PJA1: variants seen among roughly 807,000 people sequenced by gnomAD.
PJA1 encodes the protein praja ring finger ubiquitin ligase 1, also known as E3 ubiquitin-protein ligase Praja-1.
Under a neutral mutation model 14.1 loss-of-function variants are expected in PJA1, and 5 were observed. The observed-to-expected ratio is 0.35, with a 90% CI of 0.18 to 0.74. The LOEUF (loss-of-function observed/expected upper bound fraction) is 0.74, where lower values mean the gene tolerates loss of function less well. Among genes scored for constraint, PJA1 ranks in the 30% least tolerant of loss-of-function variants. The probability of loss-of-function intolerance (pLI) is 0.56; values close to 1 mark genes in which losing one functional copy is unlikely to be tolerated. For missense variants in PJA1, 394 were observed against 482.6 expected (o/e 0.82, Z 1.72); for synonymous variants, 174 against 190.9 (o/e 0.91, Z 0.73).
chrX:69,161,601 C>T lies in PJA1; in HGVS notation c.1473G>A (p.Gln491=). ...AGTGCGCAAGGGCAGTTTCCATTGC[C>T]TGGGCCAGGCGTTCTTCAAGTGCCA... ...TYMALEERLA[Q]AMETALAHLE... The change falls in exon 2 of 2, where the codon CAG becomes CAA. Residue 491 remains glutamine (Q), a synonymous_variant. Transcript: ENST00000374571. 1 of 1,211,626 alleles carries T rather than the reference C, an allele frequency of 8.3e-7. No homozygotes were observed. Among genetic ancestry groups the T allele is most frequent in the Non-Finnish European group, 1.1e-6 (1 of 895,547 alleles).
At position 69,161,624 on chromosome X, in the gene PJA1, C is replaced by T; in HGVS notation, c.1450G>A (p.Ala484Thr). The T allele has an allele frequency of 1.7e-6, 2 of 1,211,594 alleles. No individual in the cohort carries two copies. Among genetic ancestry groups the T allele is most frequent in the Non-Finnish European group, 2.2e-6 (2 of 895,496 alleles). The change falls in exon 2 of 2, where the codon GCA becomes ACA. Residue 484 changes from alanine (A) to threonine (T), a missense_variant. Physicochemically the swap from Ala to Thr is moderately conservative, Grantham distance 58 (BLOSUM62 0). This residue lies in a region of PJA1 where 378 missense variants were observed against 439.3 expected (regional missense o/e 0.86). Transcript: ENST00000374571. ...YVDPQFLTYM[A>T]LEERLAQAME... ...GCCTGGGCCAGGCGTTCTTCAAGTG[C>T]CATGTAGGTGAGGAACTGAGGGTCC...
At chrX:69,164,123 G>C (rs1224236652) in intron 1 of PJA1, among the ~76,000 whole-genome samples, 1 of 110,107 alleles carries the variant, frequency 9.1e-6, no homozygotes, top group Admixed American at 9.6e-5. Flanking sequence ...AAATGCAGCA[G>C]GCACAAATGG....
At position 69,162,201 on chromosome X, in the gene PJA1, G is replaced by C; in HGVS notation, c.873C>G (p.Ala291=). 8.3e-7 allele frequency: 1 copy of C among 1,211,111 alleles called. No homozygotes were observed. Among genetic ancestry groups the C allele is most frequent in the Non-Finnish European group, 1.1e-6 (1 of 895,380 alleles). ...EKVPRRRRTM[A]DPDFWTHSDD... ...CACTGTGCGTCCAGAAGTCAGGGTC[G>C]GCCATGGTGCGTCGTCGTCTCGGCA... Residue 291 remains alanine, a synonymous_variant, in exon 2 of 2, where the codon GCC becomes GCG. Coordinates refer to ENST00000374571, the MANE Select transcript of PJA1 (RefSeq NM_001032396.4).
chrX:69,162,467 G>A lies in PJA1; in HGVS notation c.607C>T (p.Pro203Ser), dbSNP rs1925093853. The change falls in exon 2 of 2, where the codon CCC becomes TCC. Residue 203 changes from proline to serine, a missense_variant. Coordinates refer to ENST00000374571, the MANE Select transcript of PJA1 (RefSeq NM_001032396.4). The part of the protein sequence containing the change: ...SKSAEEPVVR[P>S]KIRNLASPNC... ...GGACTTGCCAGGTTTCTGATTTTGGGCCTGACCACAGGTTCCTCTGCACTC... is the reference window on the plus strand; with the variant it reads ...GGACTTGCCAGGTTTCTGATTTTGGACCTGACCACAGGTTCCTCTGCACTC... The A allele has an allele frequency of 8.3e-7, 1 of 1,211,487 alleles. No homozygotes were observed. The highest frequency in any genetic ancestry group is 1.7e-5 in the African/African-American group (1 of 57,678).
At chrX:69,163,209 C>T (rs1215228144) in intron 1 of PJA1, 69 bp from the exon 2 acceptor site, 1 of 1,209,706 alleles carries the variant, frequency 8.3e-7, no homozygotes, top group South Asian at 1.8e-5. Context: ...TTGGATTGGG[C>T]CATACAGGCT....
In PJA1 at chrX:69,162,942, A is replaced by G. The variant is rs150734373; in HGVS notation, c.132T>C (p.Tyr44=). 1.5e-4 allele frequency: 184 copies of G among 1,208,795 alleles called. No homozygotes were observed. The highest frequency in any genetic ancestry group is 1.9e-4 in the Non-Finnish European group (166 of 895,079). The change falls in exon 2 of 2, where the codon TAT becomes TAC. Residue 44 remains tyrosine, a synonymous_variant. Transcript: ENST00000374571. ...LNIDNEDYSR[Y]PPREYRASGS... ...CCGAAGCTCTGTACTCTCTTGGCGG[A>G]TACCTGGAATAGTCCTCATTATCAA...
Position 69,161,394 on chromosome X carries a change from G to A in PJA1, c.1680C>T (p.His560=), listed in dbSNP as rs1487526628. The A allele has an allele frequency of 4.1e-6, 5 of 1,208,578 alleles. No individual in the cohort carries two copies. The African/African-American group carries it at 8.7e-5, about 21-fold the overall frequency. The change falls in exon 2 of 2, where the codon CAC becomes CAT. Residue 560 remains histidine, a synonymous_variant. Coordinates refer to ENST00000374571, the MANE Select transcript of PJA1 (RefSeq NM_001032396.4). ...GEVATELPCH[H]YFHKPCVSIW... Reference sequence around the variant, plus strand: ...TGGACACACACGGCTTGTGGAAATAGTGGTGGCACGGCAGCTCAGTTGCCA... The same window carrying A: ...TGGACACACACGGCTTGTGGAAATAATGGTGGCACGGCAGCTCAGTTGCCA...
chrX:69,161,204 A>G lies in PJA1; in HGVS notation c.*103T>C. 9.5e-7 allele frequency: 1 copy of G among 1,049,148 alleles called. No individual in the cohort carries two copies. Among genetic ancestry groups the G allele is most frequent in the Middle Eastern group, 2.6e-4 (1 of 3,811 alleles). The allele number at this position is 1,049,148 out of a possible 1,213,427, so 86.5% of individuals were successfully genotyped here. A position where few individuals can be genotyped will look rare whatever the true frequency, so the allele number is the denominator to read the frequency against. ...GGAATCAATAGGTTTAGGCTAACTGACTGATTGGTTTTATTTCCATTGTTA... is the reference window on the plus strand; with the variant it reads ...GGAATCAATAGGTTTAGGCTAACTGGCTGATTGGTTTTATTTCCATTGTTA... On this transcript the variant is annotated 3_prime_UTR_variant, in exon 2 of 2. Coordinates refer to ENST00000374571, the MANE Select transcript of PJA1 (RefSeq NM_001032396.4).
At position 69,161,289 on chromosome X, in the gene PJA1, A is replaced by G. The variant is rs1925007870; in HGVS notation, c.*18T>C. 1 of 1,144,242 alleles carries G rather than the reference A, an allele frequency of 8.7e-7. No individual in the cohort carries two copies. 94.3% of individuals were successfully genotyped at this position (1,144,242 alleles called of 1,213,427 possible). On this transcript the variant is annotated 3_prime_UTR_variant, in exon 2 of 2. Transcript: ENST00000374571. ...AGATGGGGAAAATAATCAGACCAGG[A>G]GTAAACGGCCTTGGTCTTTAGAGTG... is the stretch of plus-strand genomic sequence containing the variant.
Position 69,161,797 on chromosome X carries a change from T to C in PJA1, c.1277A>G (p.His426Arg), listed in dbSNP as rs770667160. The change falls in exon 2 of 2, where the codon CAC becomes CGC. Residue 426 changes from histidine to arginine, a missense_variant. Physicochemically the swap from His to Arg is conservative, Grantham distance 29. Transcript: ENST00000374571. ...SSSEGDNDSG[H>R]ELMQPGVFML... ...GAATACCCCAGGTTGCATCAACTCG[T>C]GACCAGAATCATTATCCCCCTCACT... is the stretch of plus-strand genomic sequence containing the variant. The C allele has an allele frequency of 9.1e-6, 11 of 1,211,770 alleles. No homozygotes were observed. The highest frequency in any genetic ancestry group is 2.2e-5 in the Admixed American group (1 of 46,094).
chrX:69,161,923 T>C lies in PJA1; in HGVS notation c.1151A>G (p.Asn384Ser), dbSNP rs777400735. The C allele has an allele frequency of 2.5e-6, 3 of 1,207,755 alleles. No individual in the cohort carries two copies. Among genetic ancestry groups the C allele is most frequent in the Admixed American group, 2.2e-5 (1 of 45,710 alleles). ...AGASAGSNGS[N>S]YLEEVREPSL... ...TGGTTCTCGAACTTCTTCAAGGTAATTGCTGCCATTGCTGCCAGCACTGGC... is the reference window on the plus strand; with the variant it reads ...TGGTTCTCGAACTTCTTCAAGGTAACTGCTGCCATTGCTGCCAGCACTGGC... Residue 384 changes from asparagine (N) to serine (S), a missense_variant, in exon 2 of 2, where the codon AAT (asparagine) becomes AGT (serine). Coordinates refer to ENST00000374571, the MANE Select transcript of PJA1 (RefSeq NM_001032396.4).
intron 1 of PJA1, chrX:69,163,569 G>A (rs1045502664): frequency 8.3e-6 from 2 of 241,886 alleles, no homozygotes; most frequent in Non-Finnish European, 7.7e-6. Flanking sequence ...GTGACTGGAC[G>A]CTTGGAAGGT....
rs777932711 is a variant in PJA1 at position 69,161,496 on chromosome X, C to G, written c.1578G>C (p.Leu526=). The change falls in exon 2 of 2, where the codon CTG becomes CTC. Residue 526 remains leucine, a synonymous_variant. Transcript: ENST00000374571. ...KESIDALPEI[L]VTEDHGAVGQ... is the part of the protein sequence containing the mutation. ...CAACTGCGCCATGATCTTCAGTGACCAGGATCTCGGGAAGAGCGTCAATGC... is the reference window on the plus strand; with the variant it reads ...CAACTGCGCCATGATCTTCAGTGACGAGGATCTCGGGAAGAGCGTCAATGC... The G allele has an allele frequency of 1.7e-6, 2 of 1,210,017 alleles. No individual in the cohort carries two copies. Among genetic ancestry groups the G allele is most frequent in the African/African-American group, 3.5e-5 (2 of 57,095 alleles).
At chrX:69,163,718 G>T (rs1361620183) in intron 1 of PJA1, among the ~76,000 whole-genome samples, 1 of 111,365 alleles carries the variant, frequency 9.0e-6, no homozygotes, top group African/African-American at 3.3e-5. Flanking sequence ...AATACAGATC[G>T]CCGTGTGTGC....
chrX:69,165,187 G>A (rs1376832504), intron 1 of PJA1, among the ~76,000 whole-genome samples, 185 bp downstream of exon 1: 1 of 111,629 alleles, frequency 9.0e-6, no homozygotes, highest in Non-Finnish European at 1.9e-5. Flanking sequence ...TGGAGGACAT[G>A]GGCCTCACTC....
chrX:69,161,427 CT>C lies in PJA1; in HGVS notation c.1646del (p.Lys549ArgfsTer50). 8.3e-7 allele frequency: 1 copy of C among 1,211,699 alleles called. No individual in the cohort carries two copies. The highest frequency in any genetic ancestry group is 1.1e-6 in the Non-Finnish European group (1 of 895,394). Reference sequence around the variant, plus strand: ...ACGGCAGCTCAGTTGCCACCTCCCCCTTCACATATTCGCTACAGCAGATGGG... The same window carrying C: ...ACGGCAGCTCAGTTGCCACCTCCCCCTCACATATTCGCTACAGCAGATGGG... ...CCPICCSEYV[K>X]GEVATELPCH... On this transcript the variant is annotated frameshift_variant, in exon 2 of 2. Coordinates refer to ENST00000374571, the MANE Select transcript of PJA1 (RefSeq NM_001032396.4). LOFTEE classifies it high-confidence loss of function.
Position 69,161,631 on chromosome X carries a change from G to A in PJA1, c.1443C>T (p.Thr481=). 3 of 1,211,593 alleles carry A rather than the reference G, an allele frequency of 2.5e-6. No individual in the cohort carries two copies. The highest frequency in any genetic ancestry group is 3.4e-6 in the Non-Finnish European group (3 of 895,513). Residue 481 remains threonine (T), a synonymous_variant, in exon 2 of 2, where the codon ACC becomes ACT. Coordinates refer to ENST00000374571, the MANE Select transcript of PJA1 (RefSeq NM_001032396.4). Reference sequence around the variant, plus strand: ...CCAGGCGTTCTTCAAGTGCCATGTAGGTGAGGAACTGAGGGTCCACATAGG... The same window carrying A: ...CCAGGCGTTCTTCAAGTGCCATGTAAGTGAGGAACTGAGGGTCCACATAGG... ...AISYVDPQFL[T]YMALEERLAQ... is the part of the protein sequence containing the mutation.
Position 69,161,730 on chromosome X carries a change from C to T in PJA1, c.1344G>A (p.Val448=), listed in dbSNP as rs1424078846. ...GNNNLEDDSS[V]SEDLEVDWSL... Reference sequence around the variant, plus strand: ...TCCAATCCACTTCTAGGTCTTCGCTCACACTGGAGTCATCTTCAAGGTTGT... The same window carrying T: ...TCCAATCCACTTCTAGGTCTTCGCTTACACTGGAGTCATCTTCAAGGTTGT... The change falls in exon 2 of 2, where the codon GTG becomes GTA. Residue 448 remains valine, a synonymous_variant. Coordinates refer to ENST00000374571, the MANE Select transcript of PJA1 (RefSeq NM_001032396.4). The T allele has an allele frequency of 7.4e-6, 9 of 1,211,679 alleles. No homozygotes were observed. The highest frequency in any genetic ancestry group is 1.0e-5 in the Non-Finnish European group (9 of 895,534).
At chrX:69,163,231 T>C in intron 1 of PJA1, 91 bp from the exon 2 acceptor site, 1 of 1,205,012 alleles carries the variant, frequency 8.3e-7, no homozygotes, top group Non-Finnish European at 1.1e-6. Context: ...GCTAGATTCC[T>C]GACCCATCAC....
Sources: allele counts gnomAD v4.1 joint callset (sites outside exome capture counted in the v4.1 genomes callset), GRCh38; gene constraint gnomAD v4.1.1; regional missense constraint gnomAD v4.1.1; transcripts MANE v1.5; gene names NCBI Gene and HGNC (gene_info 2026-07-23, HGNC 2026-07-21).